ANK3: variants seen among roughly 807,000 people sequenced by gnomAD.
ANK3 encodes the protein ankyrin 3.
Under a neutral mutation model 370.9 loss-of-function variants are expected in ANK3, and 57 were observed. The ratio of observed to expected loss-of-function variants is 0.15; its 90% CI spans 0.12 to 0.19. The LOEUF is 0.19. ANK3 is among the 10% of genes least tolerant of loss of function. The pLI is 1.00. For missense variants in ANK3, 4,439 were observed against 5,302.1 expected, an observed-to-expected ratio of 0.84 and a Z score of 5.06; for synonymous variants, 1,929 against 1,946.3, an observed-to-expected ratio of 0.99 and a Z score of 0.23.
chr10:60,531,069 T>A (rs1435449944), intron 2 of ANK3, among the ~76,000 whole-genome samples: 2 of 152,076 alleles, frequency 1.3e-5, no homozygotes. Flanking sequence ...CAGAAATCGA[T>A]CTCTTCAGGA....
rs1167736742 is a variant in ANK3 at position 60,073,880 on chromosome 10, A to G, written c.7001T>C (p.Ile2334Thr). Residue 2334 changes from isoleucine (I) to threonine (T), a missense_variant, in exon 37 of 44, where the codon ATC becomes ACC. By Grantham distance (89) the Ile-to-Thr change is moderately conservative. Transcript: ENST00000280772. ...GGGCTCAGCTTGGTTACCTTTTTCG[A>G]TGTGGACTTCTATTATACGCTCCAG... ...PKLERIIEVH[I>T]EKGNQAEPTE... The G allele has an allele frequency of 6.2e-7, 1 of 1,613,276 alleles. No individual in the cohort carries two copies. The highest frequency in any genetic ancestry group is 8.5e-7 in the Non-Finnish European group (1 of 1,179,938).
chr10:60,648,871 TGC>T (rs1276325295), intron 1 of ANK3, among the ~76,000 whole-genome samples: 8 of 150,270 alleles, frequency 5.3e-5, no homozygotes, highest in Non-Finnish European at 1.2e-4. Flanking sequence ...CTTCTGCTCC[TGC>T]TCCTGCTCCT....
chr10:60,090,047 G>T (rs1009299678), intron 28 of ANK3, among the ~76,000 whole-genome samples: 1 of 152,064 alleles, frequency 6.6e-6, no homozygotes, highest in African/African-American at 2.4e-5. Flanking sequence ...ATCTGGCCAG[G>T]CGTGGTGGCT....
chr10:60,393,800 A>G (rs76600295), upstream of ANK3, among the ~76,000 whole-genome samples: 15 of 152,318 alleles, frequency 9.8e-5, no homozygotes, highest in African/African-American at 3.4e-4. Flanking sequence ...TGCGGTTTCC[A>G]CAGAGATGAC....
chr10:60,130,327 T>C (rs1412507299), intron 25 of ANK3, among the ~76,000 whole-genome samples: 1 of 152,192 alleles, frequency 6.6e-6, no homozygotes, highest in Non-Finnish European at 1.5e-5. Flanking sequence ...TAACTGTGGT[T>C]AATATGCAAA....
intron 40 of ANK3, chr10:60,060,429 A>G (rs942111165): frequency 6.5e-6 from 1 of 152,792 alleles, no homozygotes; most frequent in African/African-American, 2.4e-5. Context: ...AAGCCACAAG[A>G]AACCAATTTT....
intron 8 of ANK3, among the ~76,000 whole-genome samples, chr10:60,221,849 T>C (rs1565784611): frequency 6.6e-6 from 1 of 152,224 alleles, no homozygotes; most frequent in East Asian, 1.9e-4. Context: ...CTCTGATCTC[T>C]GATGTTTGTT....
intron 1 of ANK3, among the ~76,000 whole-genome samples, chr10:60,649,079 T>A (rs1432664499): frequency 6.6e-6 from 1 of 152,166 alleles, no homozygotes; most frequent in Non-Finnish European, 1.5e-5. Flanking sequence ...CCTGGCTAAT[T>A]TTCTGTGCAG....
At chr10:60,222,267 G>A (rs1233673598) in intron 8 of ANK3, among the ~76,000 whole-genome samples, 2 of 152,158 alleles carry the variant, frequency 1.3e-5, no homozygotes, top group Non-Finnish European at 2.9e-5. Context: ...CAGCTGCTGG[G>A]ACATTGACAG....
At chr10:60,268,606 C>T (rs918956731) in intron 5 of ANK3, among the ~76,000 whole-genome samples, 2 of 151,778 alleles carry the variant, frequency 1.3e-5, no homozygotes, top group African/African-American at 2.4e-5. Context: ...ACTATTTTTG[C>T]ATCCTAATGC....
chr10:60,686,458 C>G (rs1472256729), intron 1 of ANK3, among the ~76,000 whole-genome samples: 2 of 152,014 alleles, frequency 1.3e-5, no homozygotes, highest in African/African-American at 4.8e-5. Context: ...TGGGATGAAG[C>G]TATAAAATTC....
chr10:60,544,883 A>C (rs542987665), intron 2 of ANK3, among the ~76,000 whole-genome samples: 10 of 151,962 alleles, frequency 6.6e-5, no homozygotes, highest in Non-Finnish European at 1.2e-4. Context: ...TCCCCAAGTA[A>C]TTCAGTGGTA....
intron 7 of ANK3, among the ~76,000 whole-genome samples, chr10:60,236,825 C>T (rs1339205338): frequency 6.6e-6 from 1 of 152,228 alleles, no homozygotes; most frequent in Non-Finnish European, 1.5e-5. Context: ...CAAACTTTGT[C>T]CGCAAAGGGC....
intron 1 of ANK3, among the ~76,000 whole-genome samples, chr10:60,698,121 C>T (rs2079489206): frequency 1.3e-5 from 2 of 152,052 alleles, no homozygotes; most frequent in South Asian, 4.2e-4. Flanking sequence ...CAAAAGAAGA[C>T]ATTTATGCAG....
At chr10:60,489,529 G>T (rs1276314008) in intron 2 of ANK3, among the ~76,000 whole-genome samples, 6 of 152,128 alleles carry the variant, frequency 3.9e-5, no homozygotes, top group Non-Finnish European at 8.8e-5. Flanking sequence ...AAAAGCCACA[G>T]TTAACATTTA....
chr10:60,409,447 CT>C (rs1381648518), intron 2 of ANK3, among the ~76,000 whole-genome samples: 3 of 152,158 alleles, frequency 2.0e-5, no homozygotes, highest in African/African-American at 2.4e-5. Flanking sequence ...GAATTCTTTT[CT>C]GATTAAGTAA....
intron 1 of ANK3, among the ~76,000 whole-genome samples, chr10:60,680,077 G>A (rs534717605): frequency 3.3e-5 from 5 of 149,802 alleles, no homozygotes; most frequent in Admixed American, 2.0e-4. Flanking sequence ...AGAGGCTTCA[G>A]TGAGCCTAGA....
chr10:60,141,561 G>GTTTTTTTTTTTTTTTTTTTT (rs36033791), intron 23 of ANK3, among the ~76,000 whole-genome samples: 1 of 49,044 alleles, frequency 2.0e-5, no homozygotes, highest in African/African-American at 9.3e-5. Flanking sequence ...TTCAATTGCT[G>GTTTTTTTTTTTTTTTTTTTT]TTTTTTTTTT....
At chr10:60,056,200 T>C (rs1297473826) in intron 41 of ANK3, among the ~76,000 whole-genome samples, 164 bp from the exon 42 acceptor site, 2 of 152,236 alleles carry the variant, frequency 1.3e-5, no homozygotes, top group Admixed American at 6.5e-5. Flanking sequence ...CTGGGCGCAG[T>C]GGCTCATGCC....
Sources: allele counts gnomAD v4.1 joint callset (sites outside exome capture counted in the v4.1 genomes callset), GRCh38; gene constraint gnomAD v4.1.1; transcripts MANE v1.5; gene names NCBI Gene and HGNC (gene_info 2026-07-23, HGNC 2026-07-21).